The following TMEM263 variants were observed in gnomAD, a reference collection of about 807,000 sequenced individuals.
TMEM263 encodes the protein UPF0444 transmembrane protein C12orf23.
In TMEM263, 5 loss-of-function variants were observed where a neutral mutation model predicts 8.6. The observed-to-expected ratio is 0.58, with a 90% CI of 0.31 to 1.23. The LOEUF (loss-of-function observed/expected upper bound fraction) is 1.23, where lower values mean the gene tolerates loss of function less well. Among genes scored for constraint, TMEM263 ranks in the 50% most tolerant of loss-of-function variants. TMEM263 has a pLI of 0.07. For missense variants in TMEM263, 104 were observed against 138.8 expected (o/e 0.75, Z 1.26); for synonymous variants, 50 against 47.9 (o/e 1.04, Z -0.18).
chr12:106,967,026 G>A (rs1593468790), intron 2 of TMEM263, 85 bp from the exon 3 acceptor site: 2 of 846,282 alleles, frequency 2.4e-6, no homozygotes, highest in East Asian at 5.1e-5. Flanking sequence ...GAATAATGTT[G>A]ATGAAATCGC....
intron 3 of TMEM263, among the ~76,000 whole-genome samples, chr12:106,968,936 A>G (rs1951880924): frequency 6.6e-6 from 1 of 152,194 alleles, no homozygotes; most frequent in African/African-American, 2.4e-5. Context: ...TATAACTAAT[A>G]TATTCAAATG....
chr12:106,956,495 CAA>C (rs1951693437), intron 1 of TMEM263, among the ~76,000 whole-genome samples: 2 of 152,280 alleles, frequency 1.3e-5, no homozygotes, highest in Admixed American at 6.5e-5. Context: ...TTCAGGCACA[CAA>C]GACTTTTTCC....
chr12:106,972,381 G>T lies in TMEM263; in HGVS notation c.*990G>T, dbSNP rs527320242. ...GCCTTCACACCTATTCTGTCTTTAG[G>T]ATGTCTTAAATTATTAGCAGTACTC... On this transcript the variant is annotated 3_prime_UTR_variant, in exon 4 of 4. Transcript: ENST00000280756. 6 of 152,228 alleles carry T rather than the reference G, an allele frequency of 3.9e-5. No individual in the cohort carries two copies. The highest frequency in any genetic ancestry group is 3.3e-4 in the Admixed American group (5 of 15,298). 9.4% of individuals were successfully genotyped at this position (152,228 alleles called of 1,614,324 possible).
intron 2 of TMEM263, among the ~76,000 whole-genome samples, chr12:106,958,162 T>TG (rs1951725501): frequency 6.6e-6 from 1 of 152,336 alleles, no homozygotes; most frequent in South Asian, 2.1e-4. Flanking sequence ...GAATAACAGG[T>TG]GGTTTTAAGT....
chr12:106,969,315 C>T (rs1176065903), intron 3 of TMEM263, among the ~76,000 whole-genome samples: 2 of 152,278 alleles, frequency 1.3e-5, no homozygotes, highest in East Asian at 1.9e-4. Context: ...GTTGGACTTA[C>T]GTACCCAGTA....
At chr12:106,956,609 G>A (rs1264990219) in intron 1 of TMEM263, among the ~76,000 whole-genome samples, 3 of 152,120 alleles carry the variant, frequency 2.0e-5, no homozygotes, top group African/African-American at 7.2e-5. Flanking sequence ...GCGCCCAGGG[G>A]TGACAGGGAG....
intron 2 of TMEM263, among the ~76,000 whole-genome samples, chr12:106,965,077 G>A (rs1951826299): frequency 6.9e-6 from 1 of 144,970 alleles, no homozygotes. Context: ...GGCCTATGTT[G>A]ATCCAGACCT....
In TMEM263 at chr12:106,972,677, G is replaced by A. The variant is rs747075412; in HGVS notation, c.*1286G>A. ...ATCTTATTAATATGTCTCATGTCTC[G>A]TTCCTTCTTAATATGATTTAGCTGG... is the stretch of plus-strand genomic sequence containing the variant. On this transcript the variant is annotated 3_prime_UTR_variant, in exon 4 of 4. Transcript: ENST00000280756. The A allele has an allele frequency of 1.5e-4, 23 of 151,974 alleles. No individual in the cohort carries two copies. Among genetic ancestry groups the A allele is most frequent in the Middle Eastern group, 3.2e-3 (1 of 316 alleles). 9.4% of individuals were successfully genotyped at this position (151,974 alleles called of 1,614,324 possible). A position where few individuals can be genotyped will look rare whatever the true frequency, so the allele number is the denominator to read the frequency against.
intron 3 of TMEM263, among the ~76,000 whole-genome samples, chr12:106,969,657 C>T (rs572017447): frequency 9.6e-4 from 144 of 149,970 alleles, no homozygotes; most frequent in African/African-American, 2.3e-3. Context: ...ACCCAGGAGG[C>T]GGAGCTTGCA....
chr12:106,960,927 T>C (rs1951764942), intron 2 of TMEM263, among the ~76,000 whole-genome samples: 1 of 152,218 alleles, frequency 6.6e-6, no homozygotes, highest in Admixed American at 6.5e-5. Flanking sequence ...TTTTCTTTTT[T>C]TTAAACCCCA....
intron 2 of TMEM263, among the ~76,000 whole-genome samples, chr12:106,959,979 A>G (rs577186153): frequency 6.6e-6 from 1 of 152,332 alleles, no homozygotes; most frequent in East Asian, 1.9e-4. Flanking sequence ...AGGAATTTTG[A>G]TACAACATAC....
intron 1 of TMEM263, 38 bp downstream of exon 1, chr12:106,956,103 C>T (rs920395942): frequency 2.1e-6 from 2 of 948,838 alleles, no homozygotes; most frequent in African/African-American, 1.8e-5. Context: ...GGCGCAGTCC[C>T]GGCTTCCTGC....
In TMEM263 at chr12:106,971,243, C is replaced by T; in HGVS notation, c.203C>T (p.Thr68Ile). Residue 68 changes from threonine to isoleucine, a missense_variant, in exon 4 of 4, where the codon ACC becomes ATC. Physicochemically the swap from Thr to Ile is moderately conservative, Grantham distance 89. Coordinates refer to ENST00000280756, the MANE Select transcript of TMEM263 (RefSeq NM_152261.4). ...AWIGGKSLEV[T>I]KTAVTTVPSM... is the part of the protein sequence containing the mutation. Reference sequence around the variant, plus strand: ...ATTGGTGGAAAGAGTCTGGAAGTGACCAAAACAGCTGTTACAACTGTGCCT... The same window carrying T: ...ATTGGTGGAAAGAGTCTGGAAGTGATCAAAACAGCTGTTACAACTGTGCCT... 6.2e-7 allele frequency: 1 copy of T among 1,614,120 alleles called. No homozygotes were observed. Among genetic ancestry groups the T allele is most frequent in the Non-Finnish European group, 8.5e-7 (1 of 1,180,022 alleles).
At chr12:106,968,811 T>C (rs993095415) in intron 3 of TMEM263, among the ~76,000 whole-genome samples, 3 of 152,218 alleles carry the variant, frequency 2.0e-5, no homozygotes, top group African/African-American at 4.8e-5. Context: ...TAATGAGATA[T>C]TTGGCATGAG....
At chr12:106,956,551 C>T (rs760745542) in intron 1 of TMEM263, among the ~76,000 whole-genome samples, 2 of 152,158 alleles carry the variant, frequency 1.3e-5, no homozygotes, top group Non-Finnish European at 2.9e-5. Flanking sequence ...AAGGCTGTAT[C>T]TCCACGCCTA....
chr12:106,971,726 A>G lies in TMEM263; in HGVS notation c.*335A>G, dbSNP rs529335708. The G allele has an allele frequency of 1.0e-5, 2 of 193,638 alleles. No homozygotes were observed. Among genetic ancestry groups the G allele is most frequent in the East Asian group, 1.3e-4 (1 of 7,724 alleles). 12.0% of individuals were successfully genotyped at this position (193,638 alleles called of 1,614,324 possible). Reference sequence around the variant, plus strand: ...TTTAGTAGATGATCTTCACAGTTCCATATGTATAATGTGCCAGGTAACTCA... The same window carrying G: ...TTTAGTAGATGATCTTCACAGTTCCGTATGTATAATGTGCCAGGTAACTCA... On this transcript the variant is annotated 3_prime_UTR_variant, in exon 4 of 4. Coordinates refer to ENST00000280756, the MANE Select transcript of TMEM263 (RefSeq NM_152261.4).
At chr12:106,960,543 C>T (rs753817124) in intron 2 of TMEM263, among the ~76,000 whole-genome samples, 5 of 151,998 alleles carry the variant, frequency 3.3e-5, no homozygotes, top group Admixed American at 6.6e-5. Context: ...ATAATAATAT[C>T]TAGCTTTTTA....
chr12:106,972,308 A>T lies in TMEM263; in HGVS notation c.*917A>T, dbSNP rs555761822. The T allele has an allele frequency of 7.2e-5, 11 of 152,318 alleles. No homozygotes were observed. Among genetic ancestry groups the T allele is most frequent in the African/African-American group, 2.6e-4 (11 of 41,568 alleles). 9.4% of individuals were successfully genotyped at this position (152,318 alleles called of 1,614,324 possible). ...TCATATTAAGGAGGAACAAATAATA[A>T]TTTTAAGTTCTTAAAAATTACCTAA... On this transcript the variant is annotated 3_prime_UTR_variant, in exon 4 of 4. Coordinates refer to ENST00000280756, the MANE Select transcript of TMEM263 (RefSeq NM_152261.4).
At chr12:106,961,707 C>T (rs775022473) in intron 2 of TMEM263, among the ~76,000 whole-genome samples, 4 of 152,138 alleles carry the variant, frequency 2.6e-5, no homozygotes, top group Non-Finnish European at 5.9e-5. Context: ...TAAATAGTTA[C>T]CTCTGAAGAA....
Sources: allele counts gnomAD v4.1 joint callset (sites outside exome capture counted in the v4.1 genomes callset), GRCh38; gene constraint gnomAD v4.1.1; transcripts MANE v1.5; gene names NCBI Gene and HGNC (gene_info 2026-07-23, HGNC 2026-07-21).